Variants in SNAP91 observed in about 807,000 individuals in gnomAD.
SNAP91 encodes the protein clathrin coat assembly protein AP180.
SNAP91 carries 27 observed loss-of-function variants against 100.3 expected under a neutral mutation model. That is an observed-to-expected ratio of 0.27 (90% CI 0.20 to 0.37). SNAP91 has a LOEUF of 0.37. SNAP91 is among the 10% of genes least tolerant of loss of function. SNAP91 has a pLI of 1.00. For missense variants in SNAP91, 986 were observed against 1,123.7 expected, an observed-to-expected ratio of 0.88 and a Z score of 1.75; for synonymous variants, 404 against 398.6, an observed-to-expected ratio of 1.01 and a Z score of -0.16.
At chr6:83,699,815 T>C (rs985243175) in intron 2 of SNAP91, among the ~76,000 whole-genome samples, 8 of 152,180 alleles carry the variant, frequency 5.3e-5, no homozygotes, top group Non-Finnish European at 1.0e-4. Flanking sequence ...TAAAGACAGG[T>C]AGACAGATAA....
intron 7 of SNAP91, among the ~76,000 whole-genome samples, chr6:83,643,057 T>C (rs180915013): frequency 7.2e-4 from 110 of 152,316 alleles, no homozygotes; most frequent in African/African-American, 2.1e-3. Context: ...TCTTGTAAAT[T>C]TGTTTGAGTT....
At chr6:83,708,284 A>C (rs1039556812) in intron 1 of SNAP91, 1 of 221,214 alleles carries the variant, frequency 4.5e-6, no homozygotes. Flanking sequence ...CCGCAACCTG[A>C]CCCGCGGGTG....
At chr6:83,616,718 A>G (rs1031429769) in intron 10 of SNAP91, among the ~76,000 whole-genome samples, 1 of 152,126 alleles carries the variant, frequency 6.6e-6, no homozygotes, top group African/African-American at 2.4e-5. Context: ...TCTAAAGGCA[A>G]ATGTTCAAAT....
At chr6:83,638,768 C>T (rs776012657) in intron 8 of SNAP91, among the ~76,000 whole-genome samples, 2 of 152,164 alleles carry the variant, frequency 1.3e-5, no homozygotes, top group Non-Finnish European at 2.9e-5. Flanking sequence ...AACTTCTGAA[C>T]CACAATATCA....
At chr6:83,603,194 CA>C (rs930942727) in intron 14 of SNAP91, among the ~76,000 whole-genome samples, 1 of 151,772 alleles carries the variant, frequency 6.6e-6, no homozygotes, top group Non-Finnish European at 1.5e-5. Context: ...ATGTGTTTAT[CA>C]AAAAAACTTT....
intron 2 of SNAP91, among the ~76,000 whole-genome samples, chr6:83,692,767 C>T (rs1469335798): frequency 6.6e-6 from 1 of 152,130 alleles, no homozygotes; most frequent in African/African-American, 2.4e-5. Context: ...AAAGACATAA[C>T]TAATGAGGGG....
rs777622535 is a variant in SNAP91 at position 83,571,336 on chromosome 6, C to G, written c.2442+3674G>C. ...GCCAGGATGGTCTCGATCTTTTGACCTTGTGATCTGCCTGCCTCGGCCTCC... is the reference window on the plus strand; with the variant it reads ...GCCAGGATGGTCTCGATCTTTTGACGTTGTGATCTGCCTGCCTCGGCCTCC... On this transcript the variant is annotated intron_variant, in intron 26 of 29. Transcript: ENST00000369694. Among the ~76,000 whole-genome samples the G allele has an allele frequency of 4.8e-4, 73 of 152,250 alleles. 1 individual carries two copies. Among genetic ancestry groups the G allele is most frequent in the Non-Finnish European group, 8.7e-4 (59 of 68,008 alleles).
intron 7 of SNAP91, among the ~76,000 whole-genome samples, chr6:83,649,660 C>A (rs1462374198): frequency 1.3e-5 from 2 of 152,028 alleles, no homozygotes; most frequent in South Asian, 2.1e-4. Context: ...TGGCTCACTG[C>A]AACCTCTGCC....
intron 12 of SNAP91, among the ~76,000 whole-genome samples, chr6:83,608,293 C>T (rs867133147): frequency 3.3e-5 from 5 of 152,116 alleles, no homozygotes; most frequent in Non-Finnish European, 4.4e-5. Flanking sequence ...TGGAAGAGAA[C>T]GATTCACAAG....
intron 8 of SNAP91, among the ~76,000 whole-genome samples, chr6:83,630,760 C>T (rs1584752204): frequency 7.5e-6 from 1 of 132,676 alleles, no homozygotes; most frequent in Non-Finnish European, 1.6e-5. Flanking sequence ...TGCTAATGGT[C>T]TATCAATTTT....
At chr6:83,571,109 T>C (rs1001173516) in intron 26 of SNAP91, among the ~76,000 whole-genome samples, 10 of 148,676 alleles carry the variant, frequency 6.7e-5, no homozygotes, top group African/African-American at 2.2e-4. Context: ...GGCGCCCACC[T>C]CTTTTTTTTT....
At chr6:83,683,208 T>C (rs2099016299) in intron 2 of SNAP91, among the ~76,000 whole-genome samples, 1 of 152,104 alleles carries the variant, frequency 6.6e-6, no homozygotes, top group Non-Finnish European at 1.5e-5. Flanking sequence ...CTTCCCCCAA[T>C]CTCTTAAATA....
chr6:83,560,857 C>G lies in SNAP91; in HGVS notation c.2526+7G>C, dbSNP rs769492217. ...GATTACAATTTTTAGCACACGTCAT[C>G]ACTCACCATTCCAAATCCTGCTCCA... On this transcript the variant is annotated splice_region_variant and intron_variant, in intron 27 of 29. Coordinates refer to ENST00000369694, the MANE Select transcript of SNAP91 (RefSeq NM_001242792.2). The G allele has an allele frequency of 2.5e-6, 4 of 1,612,296 alleles. No homozygotes were observed. Among genetic ancestry groups the G allele is most frequent in the Non-Finnish European group, 3.4e-6 (4 of 1,178,614 alleles).
At chr6:83,669,860 G>C (rs1333573810) in intron 2 of SNAP91, among the ~76,000 whole-genome samples, 1 of 151,914 alleles carries the variant, frequency 6.6e-6, no homozygotes, top group Non-Finnish European at 1.5e-5. Flanking sequence ...TATTCCATTA[G>C]ATGAACATAC....
At chr6:83,653,986 CT>C (rs1193311343) in intron 7 of SNAP91, among the ~76,000 whole-genome samples, 22 of 152,124 alleles carry the variant, frequency 1.4e-4, no homozygotes, top group Admixed American at 1.4e-3. Context: ...CAAGAGTGCT[CT>C]GGCATATTTC....
At chr6:83,581,134 T>C (rs1358984202) in intron 23 of SNAP91, among the ~76,000 whole-genome samples, 1 of 152,210 alleles carries the variant, frequency 6.6e-6, no homozygotes, top group Non-Finnish European at 1.5e-5. Context: ...AAACCTAAAA[T>C]GTTTACCTTA....
At chr6:83,574,933 A>T in intron 26 of SNAP91, 77 bp downstream of exon 26, 1 of 904,564 alleles carries the variant, frequency 1.1e-6, no homozygotes, top group Non-Finnish European at 1.7e-6. Context: ...CAGCAAAGTT[A>T]GCAAAATGCA....
At chr6:83,581,351 A>G (rs889133308) in intron 23 of SNAP91, among the ~76,000 whole-genome samples, 1 of 152,194 alleles carries the variant, frequency 6.6e-6, no homozygotes, top group African/African-American at 2.4e-5. Context: ...TAAATTAAAT[A>G]CTATTTTAAG....
At chr6:83,558,247 C>CT (rs1039849420) in intron 28 of SNAP91, among the ~76,000 whole-genome samples, 7 of 151,746 alleles carry the variant, frequency 4.6e-5, no homozygotes, top group African/African-American at 1.5e-4. Context: ...AGAAATATTT[C>CT]TTTTTTTTCA....
Sources: gnomAD v4.1 joint callset for allele counts (sites outside exome capture counted in the v4.1 genomes callset) on GRCh38, gnomAD v4.1.1 for gene constraint, MANE v1.5 for transcripts, NCBI Gene and HGNC (gene_info 2026-07-23, HGNC 2026-07-21) for gene names.